Variants in AEBP2 observed in about 807,000 individuals in gnomAD.
The protein encoded by AEBP2 is AE binding protein 2.
A neutral mutation model predicts 50.8 loss-of-function variants in AEBP2; 10 were observed. The observed-to-expected ratio is 0.20, with a 90% CI of 0.12 to 0.33. AEBP2 has a LOEUF of 0.33. Among genes scored for constraint, AEBP2 ranks in the 10% least tolerant of loss-of-function variants. The pLI is 1.00. For missense variants in AEBP2, 570 were observed against 688.0 expected (o/e 0.83, Z 1.92); for synonymous variants, 296 against 261.3 (o/e 1.13, Z -1.28).
chr12:19,443,398 T>G (rs1433968751), intron 1 of AEBP2, among the ~76,000 whole-genome samples: 1 of 150,198 alleles, frequency 6.7e-6, no homozygotes, highest in Non-Finnish European at 1.5e-5. Flanking sequence ...CCGCAGGCCA[T>G]GTTAAATATC....
rs1191297932 is a variant in AEBP2, at chr12:19,470,427, G to T, written c.880-2821G>T. Among the ~76,000 whole-genome samples the T allele has an allele frequency of 3.9e-5, 6 of 152,136 alleles. No homozygotes were observed. In the East Asian group the frequency reaches 1.2e-3, roughly 29 times the overall value. ...CCACCTCGGCCTCCTAAAGTGTTAG[G>T]ATTACAGGCATGAGCCATTACACCA... On this transcript the variant is annotated intron_variant, in intron 2 of 7. Transcript: ENST00000266508.
chr12:19,457,071 T>C (rs574631249), intron 1 of AEBP2: 1 of 1,606,672 alleles, frequency 6.2e-7, no homozygotes, highest in South Asian at 1.1e-5. Flanking sequence ...GCACAAATGC[T>C]TCTGTGTCGG....
chr12:19,476,345 A>C (rs1314661589), intron 3 of AEBP2, among the ~76,000 whole-genome samples: 1 of 151,570 alleles, frequency 6.6e-6, no homozygotes, highest in East Asian at 1.9e-4. Context: ...TATGGTTTTT[A>C]GTTTTTATTT....
At chr12:19,448,107 A>G (rs1251793212) in intron 1 of AEBP2, among the ~76,000 whole-genome samples, 1 of 152,090 alleles carries the variant, frequency 6.6e-6, no homozygotes, top group Admixed American at 6.6e-5. Flanking sequence ...AGGTCTTGCT[A>G]TGTTGCCGAG....
chr12:19,414,032 T>TA (rs1281308867), intron 1 of AEBP2, among the ~76,000 whole-genome samples: 1 of 152,034 alleles, frequency 6.6e-6, no homozygotes, highest in Non-Finnish European at 1.5e-5. Context: ...TAGCTGAGAT[T>TA]ACAGGCGCCT....
intron 3 of AEBP2, among the ~76,000 whole-genome samples, chr12:19,475,317 C>T (rs971112367): frequency 1.4e-5 from 2 of 146,744 alleles, no homozygotes; most frequent in Non-Finnish European, 3.0e-5. Context: ...GAGAACAAAA[C>T]GATATTTGAT....
chr12:19,460,497 G>A (rs1324787990), intron 1 of AEBP2, among the ~76,000 whole-genome samples: 1 of 152,006 alleles, frequency 6.6e-6, no homozygotes, highest in African/African-American at 2.4e-5. Flanking sequence ...GGGATTACAG[G>A]CGTGTGCCAC....
intron 1 of AEBP2, among the ~76,000 whole-genome samples, chr12:19,433,406 T>C (rs1051946165): frequency 3.3e-5 from 5 of 151,468 alleles, no homozygotes; most frequent in Admixed American, 2.6e-4. Context: ...CAAAAAATTC[T>C]AGTGGACTGG....
intron 6 of AEBP2, among the ~76,000 whole-genome samples, 157 bp from the exon 7 acceptor site, chr12:19,514,514 A>G (rs1040368982): frequency 5.3e-5 from 8 of 152,218 alleles, no homozygotes; most frequent in Non-Finnish European, 7.3e-5. Flanking sequence ...AAGTCCTGCT[A>G]TTAAGGTTGA....
intron 1 of AEBP2, among the ~76,000 whole-genome samples, chr12:19,414,557 C>G (rs2095741189): frequency 6.6e-6 from 1 of 152,172 alleles, no homozygotes; most frequent in Non-Finnish European, 1.5e-5. Flanking sequence ...CAACATGGGA[C>G]AAGTGCAGGC....
intron 5 of AEBP2, among the ~76,000 whole-genome samples, chr12:19,505,166 A>G (rs1230921426): frequency 6.6e-6 from 1 of 152,234 alleles, no homozygotes; most frequent in African/African-American, 2.4e-5. Flanking sequence ...AGCCTTGCTC[A>G]CCGAGGCTGG....
chr12:19,467,310 T>A lies in AEBP2; in HGVS notation c.879+4593T>A, dbSNP rs774344362. Among the ~76,000 whole-genome samples, 17 of 152,166 alleles carry A rather than the reference T, an allele frequency of 1.1e-4. No homozygotes were observed. In the Middle Eastern group the frequency reaches 0.01, roughly 91 times the overall value. Reference sequence around the variant, plus strand: ...AATCAAACCTATCTCTAGTGTTAAGTATGATAGAATTTTGTTATTGTTGCC... The same window carrying A: ...AATCAAACCTATCTCTAGTGTTAAGAATGATAGAATTTTGTTATTGTTGCC... On this transcript the variant is annotated intron_variant, in intron 2 of 7. Coordinates refer to ENST00000266508, the MANE Select transcript of AEBP2 (RefSeq NM_153207.5).
intron 3 of AEBP2, among the ~76,000 whole-genome samples, chr12:19,488,290 ATTTTTTT>A (rs34804680): frequency 1.7e-5 from 2 of 118,418 alleles, no homozygotes; most frequent in Non-Finnish European, 3.5e-5. Context: ...TAATTTTTGT[ATTTTTTT>A]TTTTTTTTTT....
At chr12:19,475,876 AT>A (rs1263152897) in intron 3 of AEBP2, among the ~76,000 whole-genome samples, 1 of 151,878 alleles carries the variant, frequency 6.6e-6, no homozygotes, top group East Asian at 1.9e-4. Context: ...GATTATTATT[AT>A]TTTTTTCTTG....
At chr12:19,486,139 C>T (rs1203988345) in intron 3 of AEBP2, among the ~76,000 whole-genome samples, 2 of 152,068 alleles carry the variant, frequency 1.3e-5, no homozygotes, top group African/African-American at 4.8e-5. Flanking sequence ...ATCTCTTCTC[C>T]TGCCCTCCAC....
chr12:19,501,508 G>A (rs1949074228), intron 5 of AEBP2, among the ~76,000 whole-genome samples: 1 of 151,664 alleles, frequency 6.6e-6, no homozygotes, highest in Non-Finnish European at 1.5e-5. Context: ...ATAGTGGTGT[G>A]CACCTGTAGT....
intron 4 of AEBP2, 63 bp downstream of exon 4, chr12:19,494,049 A>T (rs1412709053): frequency 1.4e-6 from 2 of 1,466,970 alleles, no homozygotes; most frequent in Admixed American, 4.8e-5. Flanking sequence ...TTAGACTTTT[A>T]TGCAAATCCA....
chr12:19,429,990 A>C (rs1331554840), intron 1 of AEBP2, among the ~76,000 whole-genome samples: 1 of 152,028 alleles, frequency 6.6e-6, no homozygotes, highest in African/African-American at 2.4e-5. Context: ...ATTAGATCCC[A>C]TTTGTCAATT....
At chr12:19,405,852 G>C (rs2095735952) in intron 1 of AEBP2, among the ~76,000 whole-genome samples, 2 of 151,978 alleles carry the variant, frequency 1.3e-5, no homozygotes, top group Admixed American at 6.6e-5. Flanking sequence ...CCCCAGGCTG[G>C]AGTACAGTGG....
Sources: gnomAD v4.1 joint callset for allele counts (sites outside exome capture counted in the v4.1 genomes callset) on GRCh38, gnomAD v4.1.1 for gene constraint, MANE v1.5 for transcripts, NCBI Gene and HGNC (gene_info 2026-07-23, HGNC 2026-07-21) for gene names.